Variants in ADGRG5 observed in about 807,000 individuals in gnomAD.
ADGRG5 encodes adhesion G protein-coupled receptor G5.
Under a neutral mutation model 53.2 loss-of-function variants are expected in ADGRG5, and 37 were observed. That is an observed-to-expected ratio of 0.70 (90% CI 0.53 to 0.91). The LOEUF (loss-of-function observed/expected upper bound fraction) is 0.91. ADGRG5 is among the 40% of genes least tolerant of loss of function. The pLI is 0.00. For missense variants in ADGRG5, 614 were observed against 675.8 expected, an observed-to-expected ratio of 0.91 and a Z score of 1.01; for synonymous variants, 277 against 290.4, an observed-to-expected ratio of 0.95 and a Z score of 0.47.
At chr16:57,541,444 G>C (rs2032488775), upstream of ADGRG5, among the ~76,000 whole-genome samples, 1 of 152,186 alleles carries the variant, frequency 6.6e-6, no homozygotes, top group African/African-American at 2.4e-5. Context: ...AGGGAGTGTA[G>C]CCCAGGAGTC....
chr16:57,546,242 G>T (rs569071800), intron 1 of ADGRG5, among the ~76,000 whole-genome samples: 48 of 152,276 alleles, frequency 3.2e-4, no homozygotes, highest in African/African-American at 1.2e-3. Context: ...TCTCACCTCA[G>T]CATCCCAAGC....
intron 1 of ADGRG5, among the ~76,000 whole-genome samples, chr16:57,550,268 G>A (rs980108784): frequency 2.6e-5 from 4 of 152,154 alleles, no homozygotes; most frequent in African/African-American, 9.7e-5. Context: ...ATGAGCCACC[G>A]CGCCCGGCCC....
chr16:57,536,208 C>G, the ADGRG5 span, among the ~76,000 whole-genome samples: 1 of 152,092 alleles, frequency 6.6e-6, no homozygotes, highest in African/African-American at 2.4e-5. Context: ...CCCCGCCCGC[C>G]GCCCCCTCCC....
At chr16:57,573,256 AC>A (rs1209600588) in intron 10 of ADGRG5, among the ~76,000 whole-genome samples, 2 of 151,896 alleles carry the variant, frequency 1.3e-5, no homozygotes, top group African/African-American at 4.8e-5. Flanking sequence ...ACACGGTGAA[AC>A]CCTGTCTTTA....
chr16:57,568,222 T>C lies in ADGRG5; in HGVS notation c.1090+98T>C, dbSNP rs2033200751. ...TTTCCCCTCCTCCTCATCGTCATAG[T>C]GGCCATTACATGACCACCAGCTGTG... is the stretch of plus-strand genomic sequence containing the variant. On this transcript the variant is annotated intron_variant, in intron 9 of 11. Coordinates refer to ENST00000349457, the MANE Select transcript of ADGRG5 (RefSeq NM_001304376.3). The C allele has an allele frequency of 1.0e-5, 13 of 1,267,500 alleles. No individual in the cohort carries two copies. In the South Asian group the frequency reaches 1.1e-4, roughly 10 times the overall value. The allele number at this position is 1,267,500 out of a possible 1,614,324, so 78.5% of individuals were successfully genotyped here. A position where few individuals can be genotyped will look rare whatever the true frequency, so the allele number is the denominator to read the frequency against.
intron 1 of ADGRG5, among the ~76,000 whole-genome samples, chr16:57,546,582 G>A (rs1253643017): frequency 6.6e-6 from 1 of 152,056 alleles, no homozygotes; most frequent in African/African-American, 2.4e-5. Flanking sequence ...ATTACATATG[G>A]CCTTCTTTTG....
intron 1 of ADGRG5, among the ~76,000 whole-genome samples, chr16:57,549,982 AT>A (rs58802843): frequency 0.43 from 64,430 of 150,092 alleles, 14,022 homozygotes; most frequent in East Asian, 0.68. Flanking sequence ...GCATCTATAC[AT>A]TTTTTTTTTT....
intron 7 of ADGRG5, among the ~76,000 whole-genome samples, 155 bp from the exon 8 acceptor site, chr16:57,567,311 AACTG>A (rs747057436): frequency 6.6e-6 from 1 of 152,096 alleles, no homozygotes; most frequent in Non-Finnish European, 1.5e-5. Flanking sequence ...GAGGGGGCAA[AACTG>A]ACTGTATCTG....
At chr16:57,540,873 C>T (rs1160710558), upstream of ADGRG5, among the ~76,000 whole-genome samples, 1 of 152,136 alleles carries the variant, frequency 6.6e-6, no homozygotes, top group African/African-American at 2.4e-5. Context: ...TCACTGCAAC[C>T]TCCACCTCCC....
chr16:57,539,454 C>CCTTTT (rs35929048), upstream of ADGRG5, among the ~76,000 whole-genome samples: 46 of 141,522 alleles, frequency 3.3e-4, 7 homozygotes, highest in South Asian at 6.7e-4. Flanking sequence ...CACTGTACCC[C>CCTTTT]TTTTTTTTTT....
chr16:57,535,005 A>G, the ADGRG5 span, among the ~76,000 whole-genome samples: 1 of 152,146 alleles, frequency 6.6e-6, no homozygotes, highest in Non-Finnish European at 1.5e-5. Flanking sequence ...CCAGTGCCCC[A>G]ACCCCTTCCC....
chr16:57,550,650 T>G (rs1197999392), intron 1 of ADGRG5, among the ~76,000 whole-genome samples: 5 of 152,204 alleles, frequency 3.3e-5, no homozygotes. Flanking sequence ...GGAGATATTG[T>G]GGGTTTGGTT....
At chr16:57,564,081 G>C (rs2033071354) in intron 5 of ADGRG5, 102 bp downstream of exon 5, 3 of 1,304,018 alleles carry the variant, frequency 2.3e-6, no homozygotes, top group Non-Finnish European at 3.2e-6. Context: ...CCAGCACTGA[G>C]TGAGACCAAC....
chr16:57,570,595 TG>T lies in ADGRG5; in HGVS notation c.1208+64del, dbSNP rs2033326444. ...CTCTGGCAGAAGGGCCACATGGGCC[TG>T]GGGCTCCAAATGGAATATCCTGTAG... On this transcript the variant is annotated intron_variant, in intron 10 of 11. Coordinates refer to ENST00000349457, the MANE Select transcript of ADGRG5 (RefSeq NM_001304376.3). 7.4e-6 allele frequency: 9 copies of T among 1,209,090 alleles called. No individual in the cohort carries two copies. In the African/African-American group the frequency reaches 8.9e-5, roughly 12 times the overall value. 74.9% of individuals were successfully genotyped at this position (1,209,090 alleles called of 1,614,324 possible). A position where few individuals can be genotyped will look rare whatever the true frequency, so the allele number is the denominator to read the frequency against.
intron 1 of ADGRG5, among the ~76,000 whole-genome samples, chr16:57,548,719 CTTTTT>C (rs56928422): frequency 3.7e-5 from 4 of 108,028 alleles, no homozygotes; most frequent in Middle Eastern, 3.9e-3. Context: ...TTGAGATTGG[CTTTTT>C]TTTTTTTTTT....
intron 10 of ADGRG5, among the ~76,000 whole-genome samples, chr16:57,570,986 C>A (rs1331839263): frequency 6.6e-6 from 1 of 152,158 alleles, no homozygotes; most frequent in African/African-American, 2.4e-5. Context: ...GCTGTGGGGG[C>A]TGGGCTTGGG....
At chr16:57,568,918 A>T (rs1174112551) in intron 9 of ADGRG5, among the ~76,000 whole-genome samples, 5 of 145,362 alleles carry the variant, frequency 3.4e-5, no homozygotes, top group Admixed American at 1.4e-4. Context: ...CACCTCCTCC[A>T]CCTCCGTCAT....
chr16:57,529,689 TG>T, the ADGRG5 span, among the ~76,000 whole-genome samples: 1 of 152,206 alleles, frequency 6.6e-6, no homozygotes, highest in African/African-American at 2.4e-5. The surrounding 1 kb of genome is among the most constrained non-coding windows in gnomAD (Gnocchi z 4.1). Flanking sequence ...TTTCCTGCAC[TG>T]GGCTAACTCT....
intron 1 of ADGRG5, among the ~76,000 whole-genome samples, chr16:57,547,068 G>T (rs1374791664): frequency 6.6e-6 from 1 of 152,030 alleles, no homozygotes; most frequent in Non-Finnish European, 1.5e-5. Context: ...ATGGGATTAG[G>T]TTGTTTTGCA....
Sources: allele counts gnomAD v4.1 joint callset (sites outside exome capture counted in the v4.1 genomes callset), GRCh38; gene constraint gnomAD v4.1.1; non-coding constraint Gnocchi (gnomAD v3.1); transcripts MANE v1.5; gene names NCBI Gene and HGNC (gene_info 2026-07-23, HGNC 2026-07-21).